Variants in ACOX3 observed in about 807,000 individuals in gnomAD.
The protein encoded by ACOX3 is acyl-CoA oxidase 3, pristanoyl.
ACOX3 carries 73 observed loss-of-function variants against 81.5 expected under a neutral mutation model. The observed-to-expected ratio is 0.90, with a 90% CI of 0.74 to 1.09. The LOEUF (loss-of-function observed/expected upper bound fraction) is 1.09. ACOX3 is among the 50% of genes least tolerant of loss of function. The pLI, the probability that ACOX3 is intolerant of heterozygous loss-of-function variation, is 0.00. For missense variants in ACOX3, 947 were observed against 928.0 expected, an observed-to-expected ratio of 1.02 and a Z score of -0.27; for synonymous variants, 387 against 375.1, an observed-to-expected ratio of 1.03 and a Z score of -0.37.
rs372460752 is a variant in ACOX3 at position 8,430,056 on chromosome 4, G to A, written c.-15+10592C>T. ...AATGTGTATCAAGTTTAAGATGTTGGTAGGACATCTGGGTGGGGATACTCA... is the reference window on the plus strand; with the variant it reads ...AATGTGTATCAAGTTTAAGATGTTGATAGGACATCTGGGTGGGGATACTCA... On this transcript the variant is annotated intron_variant, in intron 1 of 17. Coordinates refer to ENST00000356406, the MANE Select transcript of ACOX3 (RefSeq NM_003501.3). This position sits in a 1 kb window ranked among gnomAD's most constrained non-coding sequence, Gnocchi z 5.2. Among the ~76,000 whole-genome samples, 16 of 152,344 alleles carry A rather than the reference G, an allele frequency of 1.1e-4. No individual in the cohort carries two copies. The East Asian group carries it at 2.9e-3, about 28-fold the overall frequency.
intron 5 of ACOX3, among the ~76,000 whole-genome samples, chr4:8,411,269 C>G (rs551007130): frequency 6.6e-6 from 1 of 152,212 alleles, no homozygotes; most frequent in Admixed American, 6.5e-5. Flanking sequence ...TAGGGGCTGT[C>G]GTGGCTAAGT....
rs186159076 is a variant in ACOX3 at position 8,382,258 on chromosome 4, C to T, written c.1538-651G>A. 8.4e-4 allele frequency among the ~76,000 whole-genome samples: 128 copies of T among 152,310 alleles called. No homozygotes were observed. Among genetic ancestry groups the T allele is most frequent in the African/African-American group, 2.9e-3 (122 of 41,568 alleles). On this transcript the variant is annotated intron_variant, in intron 13 of 17. Transcript: ENST00000356406. The surrounding 1 kb of genome is among the most constrained non-coding windows in gnomAD (Gnocchi z 4.1). ...GGTGTCAGGCAGGACAGCTGGAGACCCCCCTTCGTCCTCCCCTTCCCCTGG... is the reference window on the plus strand; with the variant it reads ...GGTGTCAGGCAGGACAGCTGGAGACTCCCCTTCGTCCTCCCCTTCCCCTGG...
At chr4:8,359,571 A>G in the ACOX3 span, among the ~76,000 whole-genome samples, 3 of 152,168 alleles carry the variant, frequency 2.0e-5, no homozygotes, top group African/African-American at 7.2e-5. This position sits in a 1 kb window ranked among gnomAD's most constrained non-coding sequence, Gnocchi z 6.0. Flanking sequence ...CTCTTTGCTG[A>G]TGGCTGTGAG....
chr4:8,376,998 A>AG (rs1311810797), intron 14 of ACOX3, among the ~76,000 whole-genome samples: 1 of 152,066 alleles, frequency 6.6e-6, no homozygotes, highest in Non-Finnish European at 1.5e-5. Flanking sequence ...CTGCAGCTCC[A>AG]GGCCTCAGCC....
In ACOX3 at chr4:8,405,604, G is replaced by T. The variant is rs539903595; in HGVS notation, c.776+351C>A. ...ATCAGCATGGATGTGTGCAGAGGCCGAGCCGGGGGAGGCTCAGGATGCTGA... is the reference window on the plus strand; with the variant it reads ...ATCAGCATGGATGTGTGCAGAGGCCTAGCCGGGGGAGGCTCAGGATGCTGA... On this transcript the variant is annotated intron_variant, in intron 7 of 17. Coordinates refer to ENST00000356406, the MANE Select transcript of ACOX3 (RefSeq NM_003501.3). This position sits in a 1 kb window ranked among gnomAD's most constrained non-coding sequence, Gnocchi z 7.1. 1.3e-4 allele frequency among the ~76,000 whole-genome samples: 20 copies of T among 152,336 alleles called. No individual in the cohort carries two copies. Among genetic ancestry groups the T allele is most frequent in the African/African-American group, 4.8e-4 (20 of 41,586 alleles).
At chr4:8,371,134 C>G (rs372762896) in intron 16 of ACOX3, 140 bp from the exon 17 acceptor site, 50 of 698,576 alleles carry the variant, frequency 7.2e-5, no homozygotes, top group East Asian at 5.4e-4. Flanking sequence ...GCTGCCCATG[C>G]GTGATCTCTT....
intron 8 of ACOX3, among the ~76,000 whole-genome samples, chr4:8,398,077 C>T (rs924969540): frequency 2.0e-5 from 3 of 152,330 alleles, no homozygotes; most frequent in Admixed American, 6.5e-5. Flanking sequence ...AGGAGAATCA[C>T]TTGAACCCGG....
intron 14 of ACOX3, 29 bp from the exon 15 acceptor site, chr4:8,375,181 C>G: frequency 6.6e-7 from 1 of 1,508,218 alleles, no homozygotes; most frequent in Non-Finnish European, 8.9e-7. Flanking sequence ...CCGTGAGGAC[C>G]GTGAGGGTCC....
In ACOX3 at chr4:8,370,958, C is replaced by A. The variant is rs116698619; in HGVS notation, c.1933G>T (p.Ala645Ser). The A allele has an allele frequency of 1.2e-6, 2 of 1,614,070 alleles. No homozygotes were observed. Among genetic ancestry groups the A allele is most frequent in the African/African-American group, 2.7e-5 (2 of 75,056 alleles). Reference protein sequence around the residue: ...DDAVALVDVIAPPDFVLDSPI... With the variant: ...DDAVALVDVISPPDFVLDSPI... ...GAGTCCAGAACAAAGTCAGGAGGAG[C>A]GATCACGTCTACCAGGGCAACTGCA... is the stretch of plus-strand genomic sequence containing the variant. Residue 645 changes from alanine (A) to serine (S), a missense_variant, in exon 17 of 18, where the codon GCT (alanine) becomes TCT (serine). Coordinates refer to ENST00000356406, the MANE Select transcript of ACOX3 (RefSeq NM_003501.3). This position sits in a 1 kb window ranked among gnomAD's most constrained non-coding sequence, Gnocchi z 6.3.
downstream of ACOX3, among the ~76,000 whole-genome samples, chr4:8,362,965 A>G (rs1715265840): frequency 6.6e-6 from 1 of 152,274 alleles, no homozygotes; most frequent in African/African-American, 2.4e-5. Flanking sequence ...ATTTGTTTTT[A>G]GTAAAAATGG....
rs1723389897 is a variant in ACOX3 at position 8,425,535 on chromosome 4, T to C, written c.-14-9000A>G. On this transcript the variant is annotated intron_variant, in intron 1 of 17. Transcript: ENST00000356406. Reference sequence around the variant, plus strand: ...TAACTGGATCAGGACTTTTCAAAACTATCAAGCAGATAGTCAGGGCCTATG... The same window carrying C: ...TAACTGGATCAGGACTTTTCAAAACCATCAAGCAGATAGTCAGGGCCTATG... 2.0e-5 allele frequency among the ~76,000 whole-genome samples: 3 copies of C among 151,234 alleles called. No homozygotes were observed. The South Asian group carries it at 6.3e-4, about 32-fold the overall frequency.
In ACOX3 at chr4:8,394,098, C is replaced by T. The variant is rs759991718; in HGVS notation, c.1179+522G>A. 1.2e-4 allele frequency among the ~76,000 whole-genome samples: 19 copies of T among 152,218 alleles called. No homozygotes were observed. The highest frequency in any genetic ancestry group is 4.6e-4 in the Admixed American group (7 of 15,282). ...CGGTTATTTCTTTTGATTCACATTT[C>T]ACTCTTGCTCAGGAGGCAGCAGGAG... On this transcript the variant is annotated intron_variant, in intron 10 of 17. Transcript: ENST00000356406. This position sits in a 1 kb window ranked among gnomAD's most constrained non-coding sequence, Gnocchi z 5.9.
In ACOX3 at chr4:8,399,722, A is replaced by G; in HGVS notation, c.777-70T>C. On this transcript the variant is annotated intron_variant, in intron 7 of 17. Coordinates refer to ENST00000356406, the MANE Select transcript of ACOX3 (RefSeq NM_003501.3). The surrounding 1 kb of genome is among the most constrained non-coding windows in gnomAD (Gnocchi z 4.9). ...TGAGGCTCTTCTCTTCTCCAAGGGC[A>G]GCCTAAAAGCTGATGCAATCCCCGA... The G allele has an allele frequency of 7.1e-7, 1 of 1,401,084 alleles. No individual in the cohort carries two copies. Among genetic ancestry groups the G allele is most frequent in the Non-Finnish European group, 1.0e-6 (1 of 993,730 alleles). The allele number at this position is 1,401,084 out of a possible 1,614,324, so 86.8% of individuals were successfully genotyped here.
Position 8,433,468 on chromosome 4 carries a change from A to G in ACOX3, c.-15+7180T>C, listed in dbSNP as rs1374944894. 2.0e-5 allele frequency among the ~76,000 whole-genome samples: 3 copies of G among 152,250 alleles called. No homozygotes were observed. In the South Asian group the frequency reaches 6.2e-4, roughly 31 times the overall value. On this transcript the variant is annotated intron_variant, in intron 1 of 17. Coordinates refer to ENST00000356406, the MANE Select transcript of ACOX3 (RefSeq NM_003501.3). Reference sequence around the variant, plus strand: ...TGAATGGATTCTCAGAGCCTTTAGAACTATGAGAGAATAAATGCGTGTTGT... The same window carrying G: ...TGAATGGATTCTCAGAGCCTTTAGAGCTATGAGAGAATAAATGCGTGTTGT...
At chr4:8,360,339 T>A in the ACOX3 span, among the ~76,000 whole-genome samples, 9 of 152,204 alleles carry the variant, frequency 5.9e-5, no homozygotes, top group African/African-American at 1.7e-4. Context: ...TGAAGTAATC[T>A]TTGGGAAATA....
At position 8,416,242 on chromosome 4, in the gene ACOX3, G is replaced by T; in HGVS notation, c.144+136C>A. 7.0e-7 allele frequency: 1 copy of T among 1,427,864 alleles called. No homozygotes were observed. The highest frequency in any genetic ancestry group is 9.8e-7 in the Non-Finnish European group (1 of 1,023,174). The allele number at this position is 1,427,864 out of a possible 1,614,324, so 88.4% of individuals were successfully genotyped here. A position where few individuals can be genotyped will look rare whatever the true frequency, so the allele number is the denominator to read the frequency against. On this transcript the variant is annotated intron_variant, in intron 2 of 17. Coordinates refer to ENST00000356406, the MANE Select transcript of ACOX3 (RefSeq NM_003501.3). The surrounding 1 kb of genome is among the most constrained non-coding windows in gnomAD (Gnocchi z 4.2). ...CCTGAGGCCTGTCCTGGGGTGCAGA[G>T]AGGAGAGAGGCCGCGCTGCCTGGGA...
At chr4:8,413,937 G>C (rs1722060865) in intron 5 of ACOX3, among the ~76,000 whole-genome samples, 1 of 152,238 alleles carries the variant, frequency 6.6e-6, no homozygotes. Context: ...GCCCACCGTA[G>C]AAACCACGGG....
At chr4:8,425,504 C>T (rs1723385527) in intron 1 of ACOX3, among the ~76,000 whole-genome samples, 1 of 151,432 alleles carries the variant, frequency 6.6e-6, no homozygotes, top group African/African-American at 2.4e-5. Context: ...ACGGCCAAAT[C>T]ATTATTAACT....
intron 1 of ACOX3, among the ~76,000 whole-genome samples, chr4:8,420,670 ACT>A (rs1722842535): frequency 6.6e-6 from 1 of 152,004 alleles, no homozygotes; most frequent in Non-Finnish European, 1.5e-5. Context: ...CTCTGTTTTC[ACT>A]CTATTAAATC....
Sources: gnomAD v4.1 joint callset for allele counts (sites outside exome capture counted in the v4.1 genomes callset) on GRCh38, gnomAD v4.1.1 for gene constraint, Gnocchi (gnomAD v3.1) non-coding constraint, MANE v1.5 for transcripts, NCBI Gene and HGNC (gene_info 2026-07-23, HGNC 2026-07-21) for gene names.